LRBA: variants seen among roughly 807,000 people sequenced by gnomAD.
The protein encoded by LRBA is lipopolysaccharide-responsive and beige-like anchor protein.
LRBA carries 176 observed loss-of-function variants against 330.0 expected under a neutral mutation model. The ratio of observed to expected loss-of-function variants is 0.53; its 90% CI spans 0.47 to 0.60. The LOEUF is 0.60. Ranked by LOEUF, LRBA falls within the 20% of genes least tolerant of loss-of-function variation. The pLI is 0.00. For synonymous variants in LRBA, 1,230 were observed against 1,193.0 expected (o/e 1.03, Z -0.64); for missense variants, 3,259 against 3,444.8 (o/e 0.95, Z 1.35).
At chr4:150,267,199 C>T (rs1745458821) in intron 56 of LRBA, among the ~76,000 whole-genome samples, 3 of 152,190 alleles carry the variant, frequency 2.0e-5, no homozygotes, top group African/African-American at 7.2e-5. Flanking sequence ...GGACCTGACA[C>T]ACGTATATAG....
At chr4:150,452,481 G>A (rs1168438979) in intron 44 of LRBA, among the ~76,000 whole-genome samples, 6 of 151,978 alleles carry the variant, frequency 3.9e-5, no homozygotes, top group African/African-American at 7.2e-5. Flanking sequence ...AATTAGCCGC[G>A]TGCGGTGGTG....
chr4:150,530,428 T>C (rs1303763586), intron 40 of LRBA, among the ~76,000 whole-genome samples: 2 of 152,184 alleles, frequency 1.3e-5, no homozygotes. Context: ...CAATCTCCTG[T>C]AGACTTCCAT....
At chr4:150,704,035 C>T (rs1011882905) in intron 36 of LRBA, among the ~76,000 whole-genome samples, 12 of 151,886 alleles carry the variant, frequency 7.9e-5, no homozygotes, top group African/African-American at 2.4e-4. Flanking sequence ...AGCAAGACCC[C>T]ATCTCTACAA....
intron 36 of LRBA, among the ~76,000 whole-genome samples, chr4:150,694,803 C>T (rs969968783): frequency 6.6e-6 from 1 of 151,912 alleles, no homozygotes; most frequent in Non-Finnish European, 1.5e-5. Flanking sequence ...GGGTTCTTAT[C>T]GTTACAAACT....
rs538843051 is a variant in LRBA, at chr4:150,937,037, C to CA, written c.217-7973dup. ...GCTATAGATTTTTGAAAGTAATTTC[C>CA]AAAAAAAGCCCCAAATATTTCACCA... On this transcript the variant is annotated intron_variant, in intron 2 of 56. Transcript: ENST00000651943. 3.2e-4 allele frequency among the ~76,000 whole-genome samples: 49 copies of CA among 151,814 alleles called. No individual in the cohort carries two copies. The South Asian group carries it at 9.8e-3, about 30-fold the overall frequency.
intron 34 of LRBA, among the ~76,000 whole-genome samples, chr4:150,784,269 G>A (rs999259564): frequency 7.9e-5 from 12 of 152,204 alleles, no homozygotes; most frequent in Non-Finnish European, 5.9e-5. Context: ...GAGAGGAAAA[G>A]GGGTCCTCGG....
chr4:150,614,068 A>G (rs1323402406), intron 37 of LRBA, among the ~76,000 whole-genome samples: 2 of 152,242 alleles, frequency 1.3e-5, no homozygotes, highest in African/African-American at 4.8e-5. Context: ...CTTGAAAAGC[A>G]TGCCATTCTA....
At chr4:150,570,942 A>G (rs1204395958) in intron 40 of LRBA, among the ~76,000 whole-genome samples, 1 of 152,152 alleles carries the variant, frequency 6.6e-6, no homozygotes, top group African/African-American at 2.4e-5. Context: ...TTGTTTTAAG[A>G]CAACTAATGC....
At chr4:150,763,553 C>T (rs1452933165) in intron 34 of LRBA, among the ~76,000 whole-genome samples, 1 of 151,802 alleles carries the variant, frequency 6.6e-6, no homozygotes, top group Admixed American at 6.6e-5. Context: ...AAAATGAAGA[C>T]AAGTAGTCCA....
At chr4:150,771,562 G>C (rs191169721) in intron 34 of LRBA, among the ~76,000 whole-genome samples, 1 of 152,214 alleles carries the variant, frequency 6.6e-6, no homozygotes, top group African/African-American at 2.4e-5. Context: ...TTTGTATCCA[G>C]AGTGAGTGTC....
chr4:150,727,020 G>A (rs1729774555), intron 36 of LRBA, among the ~76,000 whole-genome samples: 1 of 143,998 alleles, frequency 6.9e-6, no homozygotes, highest in Non-Finnish European at 1.5e-5. Flanking sequence ...GACTTCATCT[G>A]TACTACAGAA....
At chr4:150,781,570 G>A (rs1414530358) in intron 34 of LRBA, among the ~76,000 whole-genome samples, 2 of 152,218 alleles carry the variant, frequency 1.3e-5, no homozygotes. Context: ...TGGCCCAGGA[G>A]TTGGGGACGT....
chr4:150,747,374 A>G (rs1451635), intron 35 of LRBA, among the ~76,000 whole-genome samples: 108,354 of 152,210 alleles, frequency 0.71, 43,132 homozygotes, highest in Non-Finnish European at 0.9. Flanking sequence ...TCAATTATGT[A>G]TTTACAAATC....
intron 40 of LRBA, among the ~76,000 whole-genome samples, chr4:150,507,092 G>A (rs887106883): frequency 6.6e-6 from 1 of 151,640 alleles, no homozygotes; most frequent in African/African-American, 2.4e-5. Context: ...ACAAACAAAT[G>A]GAAGAACATT....
chr4:150,384,365 A>T (rs1453885118), intron 47 of LRBA, among the ~76,000 whole-genome samples: 2 of 152,052 alleles, frequency 1.3e-5, no homozygotes, highest in African/African-American at 2.4e-5. Context: ...ATCTATATAA[A>T]AGGTTGTGAA....
chr4:150,902,363 C>G (rs556858967), intron 13 of LRBA, among the ~76,000 whole-genome samples: 61 of 152,074 alleles, frequency 4.0e-4, no homozygotes, highest in Non-Finnish European at 1.3e-4. Context: ...AACTGAAAAA[C>G]TTTTCTTTTT....
At chr4:150,673,902 G>C (rs1381829191) in intron 37 of LRBA, among the ~76,000 whole-genome samples, 1 of 152,076 alleles carries the variant, frequency 6.6e-6, no homozygotes, top group East Asian at 1.9e-4. Context: ...AAGACAATGA[G>C]AGTTATAGGG....
intron 43 of LRBA, among the ~76,000 whole-genome samples, chr4:150,469,382 T>C (rs1379541231): frequency 1.3e-5 from 2 of 152,116 alleles, no homozygotes; most frequent in Non-Finnish European, 2.9e-5. Context: ...ATAAAACATA[T>C]ACAGGGAATA....
At chr4:150,695,018 A>T (rs1481165565) in intron 36 of LRBA, among the ~76,000 whole-genome samples, 18 of 152,204 alleles carry the variant, frequency 1.2e-4, no homozygotes, top group Admixed American at 1.2e-3. Flanking sequence ...AATTCCACAC[A>T]TAATATTTTG....
Sources: gnomAD v4.1 joint callset for allele counts (sites outside exome capture counted in the v4.1 genomes callset) on GRCh38, gnomAD v4.1.1 for gene constraint, MANE v1.5 for transcripts, NCBI Gene and HGNC (gene_info 2026-07-23, HGNC 2026-07-21) for gene names.